The following NOX5 variants were observed in gnomAD, a reference collection of about 807,000 sequenced individuals.
The protein encoded by NOX5 is NADPH oxidase 5.
NOX5 carries 76 observed loss-of-function variants against 85.7 expected under a neutral mutation model. The ratio of observed to expected loss-of-function variants is 0.89; its 90% CI spans 0.74 to 1.07. The LOEUF is 1.07. Ranked by LOEUF, NOX5 falls within the 50% of genes least tolerant of loss-of-function variation. The probability of loss-of-function intolerance (pLI) is 0.00; values close to 1 mark genes in which losing one functional copy is unlikely to be tolerated. For synonymous variants in NOX5, 405 were observed against 401.4 expected (o/e 1.01, Z -0.11); for missense variants, 973 against 999.5 (o/e 0.97, Z 0.36).
intron 10 of NOX5, among the ~76,000 whole-genome samples, chr15:69,043,904 G>A (rs774957795): frequency 3.3e-5 from 5 of 152,152 alleles, no homozygotes; most frequent in African/African-American, 1.2e-4. Context: ...GCTAATTGGG[G>A]GCCGGGCACG....
At chr15:69,016,867 T>A (rs564569474) in intron 1 of NOX5, among the ~76,000 whole-genome samples, 26 of 151,872 alleles carry the variant, frequency 1.7e-4, no homozygotes, top group African/African-American at 6.3e-4. Context: ...AAAAATCTAA[T>A]CCCCTCAGCC....
At chr15:69,046,431 G>T in intron 10 of NOX5, 1 of 174,258 alleles carries the variant, frequency 5.7e-6, no homozygotes, top group Admixed American at 5.9e-5. Flanking sequence ...AGAGGGAAAA[G>T]AATATTCCAG....
intron 2 of NOX5, 78 bp from the exon 3 acceptor site, chr15:69,028,137 A>C: frequency 6.8e-7 from 1 of 1,464,260 alleles, no homozygotes; most frequent in Non-Finnish European, 9.1e-7. Flanking sequence ...CACCCCAGAC[A>C]CAGGGAGACA....
At chr15:69,016,947 A>T (rs1200272123) in intron 1 of NOX5, among the ~76,000 whole-genome samples, 1 of 152,136 alleles carries the variant, frequency 6.6e-6, no homozygotes, top group African/African-American at 2.4e-5. Flanking sequence ...TCAGGCCATC[A>T]TGGGAAGGAG....
Position 69,042,177 on chromosome 15 carries a change from C to T in NOX5, c.1505-486C>T, listed in dbSNP as rs117224516. ...TTGGTACCACTCAGCAGAAGAGTCA[C>T]GTCACCTCACACCACATTTCCATCA... On this transcript the variant is annotated intron_variant, in intron 9 of 15. Coordinates refer to ENST00000388866, the MANE Select transcript of NOX5 (RefSeq NM_024505.4). Among the ~76,000 whole-genome samples, 140 of 152,264 alleles carry T rather than the reference C, an allele frequency of 9.2e-4. 1 individual carries two copies. The highest frequency in any genetic ancestry group is 7.5e-3 in the East Asian group (39 of 5,182).
At chr15:69,055,060 C>T (rs1464100156) in intron 14 of NOX5, among the ~76,000 whole-genome samples, 2 of 152,286 alleles carry the variant, frequency 1.3e-5, no homozygotes, top group African/African-American at 4.8e-5. Flanking sequence ...CACAAAAATA[C>T]TAAATAAATA....
chr15:69,046,777 A>G (rs764139910), intron 10 of NOX5, 45 bp from the exon 11 acceptor site: 1 of 1,584,588 alleles, frequency 6.3e-7, no homozygotes, highest in Non-Finnish European at 8.7e-7. Flanking sequence ...AATCCCTAAC[A>G]CTGTCCATTC....
Position 69,026,622 on chromosome 15 carries a change from G to T in NOX5, c.145G>T (p.Glu49Ter). 1 of 1,614,216 alleles carries T rather than the reference G, an allele frequency of 6.2e-7. No individual in the cohort carries two copies. Among genetic ancestry groups the T allele is most frequent in the Non-Finnish European group, 8.5e-7 (1 of 1,180,030 alleles). ...AGAAGATGGGGAGATCAGCCTGCAA[G>T]AATTCAAAGCAGCTCTGCATGTGAA... is the stretch of plus-strand genomic sequence containing the variant. ...AGEDGEISLQ[E>*]FKAALHVKES... The change falls in exon 2 of 16, where the codon GAA becomes TAA. Residue 49 changes from glutamate to a stop codon, truncating the protein, a stop_gained. Transcript: ENST00000388866. LOFTEE classifies it high-confidence loss of function.
At chr15:69,033,692 C>T (rs796728457) in intron 5 of NOX5, among the ~76,000 whole-genome samples, 36 of 136,286 alleles carry the variant, frequency 2.6e-4, no homozygotes, top group East Asian at 1.0e-3. Context: ...TTTTTTCTTT[C>T]TTTTTTTTCT....
intron 9 of NOX5, among the ~76,000 whole-genome samples, chr15:69,040,322 T>C (rs2050577702): frequency 6.6e-6 from 1 of 152,250 alleles, no homozygotes; most frequent in Non-Finnish European, 1.5e-5. Context: ...TATCAAAATA[T>C]GTACAGAAGA....
chr15:69,038,292 C>T (rs2050548103), intron 8 of NOX5: 1 of 166,508 alleles, frequency 6.0e-6, no homozygotes, highest in African/African-American at 2.4e-5. Context: ...ACAGCCTCAG[C>T]TGCATTCAGA....
rs145542415 is a variant in NOX5 at position 69,038,881 on chromosome 15, C to T, written c.1396C>T (p.Pro466Ser). ...SKVTHLLIKR[P>S]PFFHYRPGDY... ...GGTCACTCATCTCCTCATCAAGCGGCCCCCTTTTTTTCACTATAGACCTGG... is the reference window on the plus strand; with the variant it reads ...GGTCACTCATCTCCTCATCAAGCGGTCCCCTTTTTTTCACTATAGACCTGG... Residue 466 changes from proline (P) to serine (S), a missense_variant, in exon 9 of 16, where the codon CCC becomes TCC. Transcript: ENST00000388866. 58 of 1,614,046 alleles carry T rather than the reference C, an allele frequency of 3.6e-5. No individual in the cohort carries two copies. The highest frequency in any genetic ancestry group is 4.5e-5 in the East Asian group (2 of 44,896).
rs1316549038 is a variant in NOX5 at position 69,033,309 on chromosome 15, A to G, written c.855+32A>G. The G allele has an allele frequency of 3.2e-6, 5 of 1,582,754 alleles. No individual in the cohort carries two copies. The South Asian group carries it at 4.6e-5, about 14-fold the overall frequency. On this transcript the variant is annotated intron_variant, in intron 5 of 15. Coordinates refer to ENST00000388866, the MANE Select transcript of NOX5 (RefSeq NM_024505.4). ...TCTGCCAGCACACGGTGCTCTGAAA[A>G]TGTTAATTAGGAGCCGAGGTGGGCT...
chr15:69,044,663 G>C (rs2050640188), intron 10 of NOX5, among the ~76,000 whole-genome samples: 1 of 152,174 alleles, frequency 6.6e-6, no homozygotes, highest in African/African-American at 2.4e-5. Flanking sequence ...TTACTAAAAA[G>C]TATGCTCCAT....
At chr15:69,036,992 A>G (rs2050525037) in intron 7 of NOX5, 36 bp from the exon 8 acceptor site, 5 of 1,477,366 alleles carry the variant, frequency 3.4e-6, no homozygotes, top group East Asian at 4.7e-5. Context: ...CCAGGCCTTG[A>G]GCTCTGGAAG....
chr15:69,033,818 C>T (rs1180158325), intron 5 of NOX5, among the ~76,000 whole-genome samples: 1 of 151,650 alleles, frequency 6.6e-6, no homozygotes, highest in Non-Finnish European at 1.5e-5. Context: ...CCTCAGCCTC[C>T]CCGTAGCTGG....
At chr15:69,031,387 C>T (rs993619694) in intron 3 of NOX5, 131 bp from the exon 4 acceptor site, 13 of 1,046,288 alleles carry the variant, frequency 1.2e-5, no homozygotes, top group South Asian at 1.2e-4. Context: ...GCTAGGCAGT[C>T]GGGAACATGG....
At chr15:69,027,385 G>C (rs1241336437) in intron 2 of NOX5, among the ~76,000 whole-genome samples, 1 of 152,200 alleles carries the variant, frequency 6.6e-6, no homozygotes, top group African/African-American at 2.4e-5. Context: ...GGTAGAGAGT[G>C]ATAAAGGTAC....
intron 1 of NOX5, among the ~76,000 whole-genome samples, chr15:69,016,142 C>T (rs1393562126): frequency 1.3e-5 from 2 of 152,148 alleles, no homozygotes; most frequent in African/African-American, 4.8e-5. Flanking sequence ...GCACCAAAGA[C>T]AGAAGGGGCC....
Sources: allele counts gnomAD v4.1 joint callset (sites outside exome capture counted in the v4.1 genomes callset), GRCh38; gene constraint gnomAD v4.1.1; transcripts MANE v1.5; gene names NCBI Gene and HGNC (gene_info 2026-07-23, HGNC 2026-07-21).